The following DPP4 variants were observed in gnomAD, a reference collection of about 807,000 sequenced individuals.
DPP4 encodes dipeptidyl peptidase 4.
A neutral mutation model predicts 122.4 loss-of-function variants in DPP4; 93 were observed. The observed-to-expected ratio is 0.76, with a 90% confidence interval of 0.64 to 0.90. The LOEUF (loss-of-function observed/expected upper bound fraction) is 0.90, where lower values mean the gene tolerates loss of function less well. Among genes scored for constraint, DPP4 ranks in the 40% least tolerant of loss-of-function variants. The pLI is 0.00. For missense variants in DPP4, 914 were observed against 907.3 expected (o/e 1.01, Z -0.09); for synonymous variants, 321 against 302.9 (o/e 1.06, Z -0.62).
chr2:162,054,385 T>C (rs111778693), intron 2 of DPP4, among the ~76,000 whole-genome samples: 1,833 of 152,286 alleles, frequency 0.012, 36 homozygotes, highest in African/African-American at 0.042. Context: ...GCCTTCTGAG[T>C]TGATGCTAGA....
intron 2 of DPP4, among the ~76,000 whole-genome samples, chr2:162,070,057 A>G (rs1475112206): frequency 2.0e-5 from 3 of 152,254 alleles, no homozygotes; most frequent in South Asian, 4.1e-4. Flanking sequence ...TGTGAATTTT[A>G]TTACCACTAA....
At chr2:162,005,697 A>G (rs1241704641) in intron 23 of DPP4, 48 bp downstream of exon 23, 5 of 1,493,134 alleles carry the variant, frequency 3.3e-6, no homozygotes, top group East Asian at 4.5e-5. Flanking sequence ...AGGTTCTTAA[A>G]CCACTTATAA....
At chr2:162,067,324 G>A (rs12469930) in intron 2 of DPP4, among the ~76,000 whole-genome samples, 2,047 of 152,204 alleles carry the variant, frequency 0.013, 30 homozygotes, top group East Asian at 0.054. Context: ...GCTCAGTTTT[G>A]GGGTCCCCAG....
At chr2:162,059,156 C>T (rs942904934) in intron 2 of DPP4, among the ~76,000 whole-genome samples, 2 of 151,966 alleles carry the variant, frequency 1.3e-5, no homozygotes, top group African/African-American at 4.8e-5. Flanking sequence ...CTGGTTCCCT[C>T]TGCTATCATG....
At chr2:162,069,748 G>A (rs147443745) in intron 2 of DPP4, among the ~76,000 whole-genome samples, 1 of 152,202 alleles carries the variant, frequency 6.6e-6, no homozygotes, top group African/African-American at 2.4e-5. Flanking sequence ...ACAGATCCTG[G>A]ACTTCCTCAG....
chr2:162,005,683 A>T, intron 23 of DPP4, 62 bp downstream of exon 23: 1 of 1,374,556 alleles, frequency 7.3e-7, no homozygotes, highest in Non-Finnish European at 1.0e-6. Context: ...AGATACAATT[A>T]AGAAGGTTCT....
chr2:162,048,757 C>G (rs896651177), intron 2 of DPP4, among the ~76,000 whole-genome samples: 1 of 152,236 alleles, frequency 6.6e-6, no homozygotes, highest in Non-Finnish European at 1.5e-5. Context: ...TCATTTCGCT[C>G]TTGTCATTTA....
chr2:162,017,063 C>T (rs375295208), intron 17 of DPP4, 45 bp downstream of exon 17: 5 of 1,584,308 alleles, frequency 3.2e-6, no homozygotes, highest in African/African-American at 2.7e-5. Context: ...ACTTATGCAA[C>T]ACACTTTCTT....
At chr2:162,002,022 T>C (rs1701162414) in intron 23 of DPP4, among the ~76,000 whole-genome samples, 2 of 152,302 alleles carry the variant, frequency 1.3e-5, no homozygotes, top group South Asian at 2.1e-4. Context: ...AAGAGTCTTA[T>C]GGACTCACTG....
chr2:161,998,357 A>G (rs1057359827), intron 23 of DPP4, among the ~76,000 whole-genome samples: 6 of 152,160 alleles, frequency 3.9e-5, no homozygotes, highest in African/African-American at 1.4e-4. Context: ...CCTTTCCACT[A>G]GCCATGCTCT....
chr2:162,066,598 A>G (rs1684954731), intron 2 of DPP4, among the ~76,000 whole-genome samples: 1 of 152,200 alleles, frequency 6.6e-6, no homozygotes, highest in African/African-American at 2.4e-5. Context: ...GACATTATCT[A>G]TACTGCTTAG....
At position 162,038,349 on chromosome 2, in the gene DPP4, C is replaced by T. The variant is rs137890810; in HGVS notation, c.566G>A (p.Gly189Glu). ...NLPSYRITWT[G>E]KEDIIYNGIT... ...TCCATTATATATTATATCTTCTTTC[C>T]CCGTCCATGTGATTCTGTAACTTGG... The change falls in exon 8 of 26, where the codon GGG becomes GAG. Residue 189 changes from glycine to glutamate, a missense_variant. Coordinates refer to ENST00000360534, the MANE Select transcript of DPP4 (RefSeq NM_001935.4). 1.3e-4 allele frequency: 202 copies of T among 1,607,332 alleles called. No individual in the cohort carries two copies. The highest frequency in any genetic ancestry group is 2.0e-4 in the African/African-American group (15 of 74,514).
intron 9 of DPP4, 27 bp from the exon 10 acceptor site, chr2:162,033,680 T>C (rs756055503): frequency 4.7e-6 from 7 of 1,500,454 alleles, no homozygotes; most frequent in Admixed American, 2.1e-5. Context: ...ACAGAATTGG[T>C]ATTGACAAAA....
chr2:162,049,038 T>C (rs1684289257), intron 2 of DPP4, among the ~76,000 whole-genome samples: 1 of 152,316 alleles, frequency 6.6e-6, no homozygotes, highest in South Asian at 2.1e-4. Context: ...GAGCTTAAAG[T>C]ATTTTTTCTC....
chr2:162,056,679 G>C (rs956772643), intron 2 of DPP4, among the ~76,000 whole-genome samples: 2 of 152,120 alleles, frequency 1.3e-5, no homozygotes, highest in African/African-American at 2.4e-5. Flanking sequence ...TCCCAAAACT[G>C]ACCCACTCTG....
At chr2:161,997,697 C>T (rs774660094) in intron 23 of DPP4, among the ~76,000 whole-genome samples, 21 of 152,296 alleles carry the variant, frequency 1.4e-4, no homozygotes, top group South Asian at 4.1e-4. Flanking sequence ...CTGTGCCTGT[C>T]GCTGTGTTAA....
chr2:162,016,259 C>A (rs1015425053), intron 18 of DPP4, among the ~76,000 whole-genome samples: 1 of 152,136 alleles, frequency 6.6e-6, no homozygotes, highest in African/African-American at 2.4e-5. Flanking sequence ...ATTGTTCTTA[C>A]TGGTCTCTGA....
chr2:162,014,779 G>A (rs1364256854), intron 18 of DPP4, among the ~76,000 whole-genome samples: 6 of 152,194 alleles, frequency 3.9e-5, no homozygotes, highest in African/African-American at 1.2e-4. Context: ...TTTGGCATCC[G>A]ATCTACTTAT....
At chr2:162,009,508 A>T (rs554532849) in intron 20 of DPP4, among the ~76,000 whole-genome samples, 2 of 126,536 alleles carry the variant, frequency 1.6e-5, no homozygotes, top group South Asian at 2.5e-4. Context: ...TGGAGTTCAT[A>T]AAAATTGTGT....
Sources: allele counts gnomAD v4.1 joint callset (sites outside exome capture counted in the v4.1 genomes callset), GRCh38; gene constraint gnomAD v4.1.1; transcripts MANE v1.5; gene names NCBI Gene and HGNC (gene_info 2026-07-23, HGNC 2026-07-21).